GRIN2D: variants seen among roughly 807,000 people sequenced by gnomAD.
GRIN2D encodes glutamate ionotropic receptor NMDA type subunit 2D.
GRIN2D carries 37 observed loss-of-function variants against 103.2 expected under a neutral mutation model. That is an observed-to-expected ratio of 0.36 (90% CI 0.28 to 0.47). The LOEUF (loss-of-function observed/expected upper bound fraction) is 0.47, where lower values mean the gene tolerates loss of function less well. GRIN2D is among the 20% of genes least tolerant of loss of function. GRIN2D has a pLI of 1.00. For synonymous variants in GRIN2D, 845 were observed against 885.6 expected, an observed-to-expected ratio of 0.95 and a Z score of 0.81; for missense variants, 1,557 against 1,910.6, an observed-to-expected ratio of 0.81 and a Z score of 3.45.
At chr19:48,422,808 GAGGCC>G (rs1971039530) in intron 11 of GRIN2D, among the ~76,000 whole-genome samples, 1 of 152,084 alleles carries the variant, frequency 6.6e-6, no homozygotes, top group Admixed American at 6.6e-5. Flanking sequence ...GTTAAATTCA[GAGGCC>G]AGGCGCAGTA....
chr19:48,394,417 G>A lies in GRIN2D; in HGVS notation c.-305-241G>A, dbSNP rs953598122. Reference sequence around the variant, plus strand: ...CACACACCAGCCACTAGCTTCAGAGGTGACCCAGACAGACAGATAGACACA... The same window carrying A: ...CACACACCAGCCACTAGCTTCAGAGATGACCCAGACAGACAGATAGACACA... On this transcript the variant is annotated intron_variant, in intron 1 of 13. Coordinates refer to ENST00000263269, the MANE Select transcript of GRIN2D (RefSeq NM_000836.4). This position sits in a 1 kb window ranked among gnomAD's most constrained non-coding sequence, Gnocchi z 5.1. Among the ~76,000 whole-genome samples, 1 of 144,630 alleles carries A rather than the reference G, an allele frequency of 6.9e-6. No individual in the cohort carries two copies. The highest frequency in any genetic ancestry group is 2.5e-5 in the African/African-American group (1 of 39,614). The allele number at this position is 144,630 out of a possible 152,430, so 94.9% of individuals were successfully genotyped here. A position where few individuals can be genotyped will look rare whatever the true frequency, so the allele number is the denominator to read the frequency against.
At chr19:48,425,503 A>C (rs1326781084) in intron 11 of GRIN2D, among the ~76,000 whole-genome samples, 1 of 152,174 alleles carries the variant, frequency 6.6e-6, no homozygotes, top group Non-Finnish European at 1.5e-5. Context: ...CGGCCTCCCA[A>C]AGTGCTGGGA....
chr19:48,405,970 T>C lies in GRIN2D; in HGVS notation c.1085+617T>C, dbSNP rs1336858894. ...AAGAGAGGAAGTGGACAGCAAGCAC[T>C]TTCCTTTTGAGTAAGTGAGGCAGAA... is the stretch of plus-strand genomic sequence containing the variant. On this transcript the variant is annotated intron_variant, in intron 4 of 13. Coordinates refer to ENST00000263269, the MANE Select transcript of GRIN2D (RefSeq NM_000836.4). The surrounding 1 kb of genome is among the most constrained non-coding windows in gnomAD (Gnocchi z 5.1). Among the ~76,000 whole-genome samples the C allele has an allele frequency of 1.3e-5, 2 of 152,172 alleles. No individual in the cohort carries two copies. Among genetic ancestry groups the C allele is most frequent in the Non-Finnish European group, 2.9e-5 (2 of 68,032 alleles).
chr19:48,444,084 G>A lies in GRIN2D; in HGVS notation c.*147G>A, dbSNP rs528062382. Reference sequence around the variant, plus strand: ...CTGGAGCAGCGTCCTGCGCCCCCTGGTTCTGGAGGAACCGCAAGCCGGAGA... The same window carrying A: ...CTGGAGCAGCGTCCTGCGCCCCCTGATTCTGGAGGAACCGCAAGCCGGAGA... On this transcript the variant is annotated 3_prime_UTR_variant, in exon 14 of 14. Coordinates refer to ENST00000263269, the MANE Select transcript of GRIN2D (RefSeq NM_000836.4). The surrounding 1 kb of genome is among the most constrained non-coding windows in gnomAD (Gnocchi z 5.5). 5.6e-5 allele frequency: 27 copies of A among 482,372 alleles called. No homozygotes were observed. The South Asian group carries it at 1.2e-3, about 21-fold the overall frequency. 29.9% of individuals were successfully genotyped at this position (482,372 alleles called of 1,614,324 possible). A position where few individuals can be genotyped will look rare whatever the true frequency, so the allele number is the denominator to read the frequency against.
At chr19:48,409,371 T>C (rs1970828719) in intron 4 of GRIN2D, among the ~76,000 whole-genome samples, 1 of 146,500 alleles carries the variant, frequency 6.8e-6, no homozygotes. Context: ...CTCCACCTCC[T>C]GGATTCAAGC....
intron 2 of GRIN2D, among the ~76,000 whole-genome samples, chr19:48,395,390 C>A (rs1482683629): frequency 6.6e-6 from 1 of 152,004 alleles, no homozygotes; most frequent in Non-Finnish European, 1.5e-5. Context: ...GGCATCCAGG[C>A]CCCCAGCACC....
intron 8 of GRIN2D, 53 bp from the exon 9 acceptor site, chr19:48,419,181 T>C: frequency 6.4e-7 from 1 of 1,565,876 alleles, no homozygotes; most frequent in Non-Finnish European, 8.6e-7. Flanking sequence ...CCCAGCCTGA[T>C]CCCCGAGTCT....
chr19:48,415,169 G>A lies in GRIN2D; in HGVS notation c.1581+137G>A, dbSNP rs1000031629. 5.0e-5 allele frequency: 39 copies of A among 783,638 alleles called. No individual in the cohort carries two copies. The South Asian group carries it at 5.8e-4, about 12-fold the overall frequency. 48.5% of individuals were successfully genotyped at this position (783,638 alleles called of 1,614,324 possible). A position where few individuals can be genotyped will look rare whatever the true frequency, so the allele number is the denominator to read the frequency against. On this transcript the variant is annotated intron_variant, in intron 7 of 13. Transcript: ENST00000263269. ...GCGAATTGCCTGAGCTCAGGGGTTC[G>A]AGACCAGTTTGGGCAAAACGGTGAA... is the stretch of plus-strand genomic sequence containing the variant.
At position 48,443,488 on chromosome 19, in the gene GRIN2D, C is replaced by A; in HGVS notation, c.3562C>A (p.Leu1188Met). ...CTGTCGGCACTGCGCCAGCCTGGAG[C>A]TGCTGCCGCCGCCGCGCCATCTCAG... ...WHCRHCASLE[L>M]LPPPRHLSCS... The change falls in exon 14 of 14, where the codon CTG becomes ATG. Residue 1188 changes from leucine to methionine, a missense_variant. Leu to Met is a conservative substitution (Grantham distance 15, BLOSUM62 2). Coordinates refer to ENST00000263269, the MANE Select transcript of GRIN2D (RefSeq NM_000836.4). The surrounding 1 kb of genome is among the most constrained non-coding windows in gnomAD (Gnocchi z 8.9). The A allele has an allele frequency of 7.3e-7, 1 of 1,362,816 alleles. No individual in the cohort carries two copies. Among genetic ancestry groups the A allele is most frequent in the Non-Finnish European group, 9.4e-7 (1 of 1,058,866 alleles). The allele number at this position is 1,362,816 out of a possible 1,614,324, so 84.4% of individuals were successfully genotyped here. A position where few individuals can be genotyped will look rare whatever the true frequency, so the allele number is the denominator to read the frequency against.
chr19:48,421,830 G>A lies in GRIN2D; in HGVS notation c.2137G>A (p.Val713Met). ...GTACCCGCCCCTGAAGTTTGGGACC[G>A]TGCCCAACGGCTCCACGGAGAAGAA... is the stretch of plus-strand genomic sequence containing the variant. ...EQYPPLKFGT[V>M]PNGSTEKNIR... Residue 713 changes from valine to methionine, a missense_variant, in exon 11 of 14, where the codon GTG (valine) becomes ATG (methionine). Val to Met is a conservative substitution (Grantham distance 21). Coordinates refer to ENST00000263269, the MANE Select transcript of GRIN2D (RefSeq NM_000836.4). This position sits in a 1 kb window ranked among gnomAD's most constrained non-coding sequence, Gnocchi z 4.8. 1.2e-6 allele frequency: 2 copies of A among 1,614,012 alleles called. No homozygotes were observed. The highest frequency in any genetic ancestry group is 2.2e-5 in the South Asian group (2 of 91,074).
intron 11 of GRIN2D, among the ~76,000 whole-genome samples, chr19:48,433,269 G>A (rs1355814989): frequency 6.6e-6 from 1 of 151,854 alleles, no homozygotes. Flanking sequence ...TCGGGAGGCT[G>A]AGGCAGAATC....
Position 48,443,872 on chromosome 19 carries a change from CG to C in GRIN2D, c.3950del (p.Gly1317AlafsTer201). 3 of 1,479,346 alleles carry C rather than the reference CG, an allele frequency of 2.0e-6. No individual in the cohort carries two copies. The highest frequency in any genetic ancestry group is 2.3e-5 in the Admixed American group (1 of 43,200). The allele number at this position is 1,479,346 out of a possible 1,614,324, so 91.6% of individuals were successfully genotyped here. On this transcript the variant is annotated frameshift_variant, in exon 14 of 14. Transcript: ENST00000263269. LOFTEE classifies it high-confidence loss of function. This position sits in a 1 kb window ranked among gnomAD's most constrained non-coding sequence, Gnocchi z 8.9. ...GCCCACAGCTTCCCACCGGAGACAC[CG>C]GGGCGGGGACCTGGGCACCCGCAGG... ...PLPTASHRRH[R>X]GGDLGTRRGS...
rs1970612694 is a variant in GRIN2D, at chr19:48,394,586, G to C, written c.-305-72G>C. 2.0e-5 allele frequency among the ~76,000 whole-genome samples: 3 copies of C among 151,492 alleles called. No individual in the cohort carries two copies. The highest frequency in any genetic ancestry group is 7.3e-5 in the African/African-American group (3 of 41,210). On this transcript the variant is annotated intron_variant, in intron 1 of 13. Coordinates refer to ENST00000263269, the MANE Select transcript of GRIN2D (RefSeq NM_000836.4). This position sits in a 1 kb window ranked among gnomAD's most constrained non-coding sequence, Gnocchi z 5.1. The stretch of plus-strand genomic sequence containing the variant: ...GGGGCACCCCGGGTGGGCGGAGGGG[G>C]GATCCCCACGGGGTCGGGGCGGCAA...
At chr19:48,400,856 A>G (rs1274078068) in intron 3 of GRIN2D, among the ~76,000 whole-genome samples, 1 of 152,148 alleles carries the variant, frequency 6.6e-6, no homozygotes, top group Non-Finnish European at 1.5e-5. Flanking sequence ...ACCTGAGGCC[A>G]GGAGTTTGAG....
intron 11 of GRIN2D, among the ~76,000 whole-genome samples, chr19:48,428,098 A>G (rs1409131041): frequency 1.4e-5 from 2 of 145,056 alleles, no homozygotes; most frequent in East Asian, 2.0e-4. Context: ...GTGCAGTGAC[A>G]TGATCTCGGC....
At position 48,398,551 on chromosome 19, in the gene GRIN2D, G is replaced by A. The variant is rs1970670613; in HGVS notation, c.159G>A (p.Val53=). The change falls in exon 3 of 14, where the codon GTG becomes GTA. Residue 53 remains valine, a synonymous_variant. Transcript: ENST00000263269. ...GGLGGARPLN[V]ALVFSGPAYA... ...TCGGCGGGGCGCGGCCGCTCAACGT[G>A]GCGCTCGTGTTCTCGGGGCCCGCGT... 8.6e-7 allele frequency: 1 copy of A among 1,156,360 alleles called. No homozygotes were observed. 71.6% of individuals were successfully genotyped at this position (1,156,360 alleles called of 1,614,324 possible).
At chr19:48,428,424 A>C (rs1600988128) in intron 11 of GRIN2D, among the ~76,000 whole-genome samples, 2 of 142,412 alleles carry the variant, frequency 1.4e-5, no homozygotes, top group Admixed American at 1.4e-4. Context: ...GCAGTGGCAC[A>C]ATCTCGGCTC....
At chr19:48,413,522 C>T (rs1970901793) in intron 4 of GRIN2D, among the ~76,000 whole-genome samples, 1 of 150,644 alleles carries the variant, frequency 6.6e-6, no homozygotes, top group South Asian at 2.1e-4. Flanking sequence ...ATTAGCCAAG[C>T]ATGGTGGTGC....
chr19:48,411,591 G>A (rs1353750760), intron 4 of GRIN2D, among the ~76,000 whole-genome samples: 1 of 151,874 alleles, frequency 6.6e-6, no homozygotes, highest in African/African-American at 2.4e-5. Flanking sequence ...GGAGGTTCCA[G>A]CGAGCTGAGA....
Sources: allele counts gnomAD v4.1 joint callset (sites outside exome capture counted in the v4.1 genomes callset), GRCh38; gene constraint gnomAD v4.1.1; non-coding constraint Gnocchi (gnomAD v3.1); transcripts MANE v1.5; gene names NCBI Gene and HGNC (gene_info 2026-07-23, HGNC 2026-07-21).